ZMIZ1: variants seen among roughly 807,000 people sequenced by gnomAD.
The protein encoded by ZMIZ1 is zinc finger MIZ domain-containing protein 1.
Under a neutral mutation model 113.9 loss-of-function variants are expected in ZMIZ1, and 17 were observed. The observed-to-expected ratio is 0.15, with a 90% CI of 0.10 to 0.22. The LOEUF (loss-of-function observed/expected upper bound fraction) is 0.22. Among genes scored for constraint, ZMIZ1 ranks in the 10% least tolerant of loss-of-function variants. The pLI is 1.00. For synonymous variants in ZMIZ1, 607 were observed against 603.1 expected (o/e 1.01, Z -0.09); for missense variants, 1,059 against 1,477.8 (o/e 0.72, Z 4.65).
chr10:79,183,840 A>T (rs1302915722), intron 4 of ZMIZ1, among the ~76,000 whole-genome samples: 1 of 152,160 alleles, frequency 6.6e-6, no homozygotes, highest in Non-Finnish European at 1.5e-5. Context: ...CATCATCATC[A>T]TCACCAGTTA....
rs369265050 is a variant in ZMIZ1, at chr10:79,102,753, G to A, written c.-336-16162G>A. ...TACCAGGCCCACATAGCACCTCTCC[G>A]CGGCTCAGTGCCCTCATCTGAGAAG... On this transcript the variant is annotated intron_variant, in intron 1 of 24. Coordinates refer to ENST00000334512, the MANE Select transcript of ZMIZ1 (RefSeq NM_020338.4). Among the ~76,000 whole-genome samples, 10 of 152,218 alleles carry A rather than the reference G, an allele frequency of 6.6e-5. No individual in the cohort carries two copies. In the East Asian group the frequency reaches 1.2e-3, roughly 18 times the overall value.
At chr10:79,163,971 C>T (rs888839246) in intron 4 of ZMIZ1, among the ~76,000 whole-genome samples, 1 of 151,894 alleles carries the variant, frequency 6.6e-6, no homozygotes, top group Admixed American at 6.6e-5. Flanking sequence ...TTGCCAGTGG[C>T]GGAGCATTAG....
intron 4 of ZMIZ1, among the ~76,000 whole-genome samples, chr10:79,166,146 G>A (rs369898650): frequency 2.2e-4 from 34 of 152,156 alleles, no homozygotes; most frequent in Admixed American, 1.5e-3. Context: ...TGCCTCCGCC[G>A]CCACACGCCT....
intron 4 of ZMIZ1, among the ~76,000 whole-genome samples, chr10:79,166,142 C>T (rs1019546433): frequency 6.6e-6 from 1 of 152,108 alleles, no homozygotes; most frequent in Admixed American, 6.5e-5. Context: ...AGGCTGCCTC[C>T]GCCGCCACAC....
intron 10 of ZMIZ1, among the ~76,000 whole-genome samples, chr10:79,291,709 T>G (rs1853508206): frequency 1.3e-5 from 2 of 152,196 alleles, no homozygotes; most frequent in East Asian, 3.9e-4. Flanking sequence ...TTCTCCTCTT[T>G]CCACCCCGCC....
At chr10:79,073,965 G>A (rs772343553) in intron 1 of ZMIZ1, among the ~76,000 whole-genome samples, 1 of 152,168 alleles carries the variant, frequency 6.6e-6, no homozygotes, top group Non-Finnish European at 1.5e-5. Context: ...GTCCAGTGCC[G>A]GCAGGAAGAT....
Position 79,296,164 on chromosome 10 carries a change from G to A in ZMIZ1, c.1231-307G>A, listed in dbSNP as rs1256068154. On this transcript the variant is annotated intron_variant, in intron 12 of 24. Coordinates refer to ENST00000334512, the MANE Select transcript of ZMIZ1 (RefSeq NM_020338.4). The surrounding 1 kb of genome is among the most constrained non-coding windows in gnomAD (Gnocchi z 4.1). ...CACCAGGAGAGACACAAAGGTCGGG[G>A]GAGTTAGAATCAGGCCCCTCATAAT... 7.3e-6 allele frequency: 3 copies of A among 412,604 alleles called. No homozygotes were observed. The highest frequency in any genetic ancestry group is 1.3e-5 in the Non-Finnish European group (3 of 227,596). 25.6% of individuals were successfully genotyped at this position (412,604 alleles called of 1,614,324 possible). A position where few individuals can be genotyped will look rare whatever the true frequency, so the allele number is the denominator to read the frequency against.
At chr10:79,190,920 C>T (rs1847573883) in intron 4 of ZMIZ1, among the ~76,000 whole-genome samples, 1 of 152,124 alleles carries the variant, frequency 6.6e-6, no homozygotes. Flanking sequence ...AAGCTAAGCC[C>T]TCCCCTCTCT....
intron 7 of ZMIZ1, among the ~76,000 whole-genome samples, chr10:79,216,973 A>G (rs1046412047): frequency 6.6e-6 from 1 of 152,160 alleles, no homozygotes; most frequent in South Asian, 2.1e-4. Flanking sequence ...CACCATCCTC[A>G]TAACCTGGCT....
intron 23 of ZMIZ1, 66 bp downstream of exon 23, chr10:79,307,637 T>C: frequency 6.5e-7 from 1 of 1,537,160 alleles, no homozygotes; most frequent in East Asian, 2.3e-5. Flanking sequence ...GGGATCTGGA[T>C]ACCCTGTTCC....
At chr10:79,241,964 CACTT>C (rs1849853574) in intron 7 of ZMIZ1, among the ~76,000 whole-genome samples, 2 of 152,246 alleles carry the variant, frequency 1.3e-5, no homozygotes, top group East Asian at 1.9e-4. Context: ...GATGGGGACT[CACTT>C]ACCTTCCTAA....
rs985022909 is a variant in ZMIZ1 at position 79,200,420 on chromosome 10, G to A, written c.-49-1164G>A. Reference sequence around the variant, plus strand: ...GCCTGGGGACTCCCAGGGCTTTTTCGAGCCGAAGGAGCTTCCTCCACTTAG... The same window carrying A: ...GCCTGGGGACTCCCAGGGCTTTTTCAAGCCGAAGGAGCTTCCTCCACTTAG... On this transcript the variant is annotated intron_variant, in intron 4 of 24. Transcript: ENST00000334512. Among the ~76,000 whole-genome samples the A allele has an allele frequency of 3.3e-5, 5 of 152,126 alleles. No homozygotes were observed. In the South Asian group the frequency reaches 6.2e-4, roughly 19 times the overall value.
intron 7 of ZMIZ1, among the ~76,000 whole-genome samples, chr10:79,252,683 C>G (rs1315196022): frequency 1.3e-5 from 2 of 152,202 alleles, no homozygotes; most frequent in Non-Finnish European, 2.9e-5. Context: ...TCTGTTATAG[C>G]TACAGGAGTC....
chr10:79,107,005 A>G (rs1843583457), intron 1 of ZMIZ1, among the ~76,000 whole-genome samples: 1 of 152,130 alleles, frequency 6.6e-6, no homozygotes, highest in Non-Finnish European at 1.5e-5. Context: ...ATGCTTTTTG[A>G]TCATTTTCAG....
intron 10 of ZMIZ1, 108 bp from the exon 11 acceptor site, chr10:79,292,049 CT>C (rs1045453214): frequency 1.8e-6 from 2 of 1,119,388 alleles, no homozygotes; most frequent in African/African-American, 3.1e-5. Context: ...GCCCCGTCCC[CT>C]CTAGGTTCTG....
At chr10:79,237,181 G>C (rs535512826) in intron 7 of ZMIZ1, among the ~76,000 whole-genome samples, 3 of 152,202 alleles carry the variant, frequency 2.0e-5, no homozygotes, top group African/African-American at 7.2e-5. Flanking sequence ...GAAGGGCATC[G>C]AGGCTGGACC....
At chr10:79,146,037 G>A (rs1311240150) in intron 3 of ZMIZ1, among the ~76,000 whole-genome samples, 1 of 152,152 alleles carries the variant, frequency 6.6e-6, no homozygotes. Context: ...GGGAACTCTT[G>A]GCCATGCCTT....
chr10:79,152,589 C>G (rs1460322943), intron 3 of ZMIZ1, among the ~76,000 whole-genome samples: 1 of 152,252 alleles, frequency 6.6e-6, no homozygotes, highest in Non-Finnish European at 1.5e-5. Flanking sequence ...CTTGAAAGCT[C>G]TAGTCTGGAT....
At chr10:79,285,390 C>T (rs923405714) in intron 8 of ZMIZ1, 1 of 447,358 alleles carries the variant, frequency 2.2e-6, no homozygotes, top group Non-Finnish European at 4.5e-6. Context: ...ACATGTTAGG[C>T]ACTTACACTT....
Sources: gnomAD v4.1 joint callset for allele counts (sites outside exome capture counted in the v4.1 genomes callset) on GRCh38, gnomAD v4.1.1 for gene constraint, Gnocchi (gnomAD v3.1) non-coding constraint, MANE v1.5 for transcripts, NCBI Gene and HGNC (gene_info 2026-07-23, HGNC 2026-07-21) for gene names.